OPCML: variants seen among roughly 807,000 people sequenced by gnomAD.
The protein encoded by OPCML is opioid-binding protein/cell adhesion molecule.
OPCML carries 13 observed loss-of-function variants against 37.8 expected under a neutral mutation model. The observed-to-expected ratio is 0.34, with a 90% CI of 0.22 to 0.55. The LOEUF (loss-of-function observed/expected upper bound fraction) is 0.55. Among genes scored for constraint, OPCML ranks in the 20% least tolerant of loss-of-function variants. The pLI is 0.91. For synonymous variants in OPCML, 176 were observed against 168.8 expected, an observed-to-expected ratio of 1.04 and a Z score of -0.33; for missense variants, 341 against 435.6, an observed-to-expected ratio of 0.78 and a Z score of 1.93.
chr11:133,261,012 C>G (rs1277994442), intron 1 of OPCML, among the ~76,000 whole-genome samples: 1 of 152,204 alleles, frequency 6.6e-6, no homozygotes, highest in Non-Finnish European at 1.5e-5. Flanking sequence ...TGGCTACCAG[C>G]TCCATTTGGT....
chr11:132,879,028 T>G (rs1178575346), intron 2 of OPCML, among the ~76,000 whole-genome samples: 1 of 152,198 alleles, frequency 6.6e-6, no homozygotes, highest in Non-Finnish European at 1.5e-5. Flanking sequence ...ACAAGAAGTA[T>G]TAGAACAACA....
chr11:132,947,944 AT>A (rs1442568116), intron 1 of OPCML, among the ~76,000 whole-genome samples: 1 of 152,192 alleles, frequency 6.6e-6, no homozygotes, highest in Non-Finnish European at 1.5e-5. Flanking sequence ...TCCAGTGAGC[AT>A]TTCCTTTGAG....
chr11:133,501,312 G>A (rs375330637), intron 1 of OPCML, among the ~76,000 whole-genome samples: 4 of 152,242 alleles, frequency 2.6e-5, no homozygotes, highest in African/African-American at 9.6e-5. Context: ...AGTGCGGCTA[G>A]TGAAATCCAA....
intron 1 of OPCML, among the ~76,000 whole-genome samples, chr11:133,483,333 GATAGATAATAGAT>G (rs1306648807): frequency 6.6e-6 from 1 of 151,828 alleles, no homozygotes; most frequent in Non-Finnish European, 1.5e-5. Context: ...TAGATAGATA[GATAGATAATAGAT>G]ATAGATAGAT....
At chr11:132,703,966 T>A (rs1228069854) in intron 2 of OPCML, among the ~76,000 whole-genome samples, 2 of 152,188 alleles carry the variant, frequency 1.3e-5, no homozygotes, top group African/African-American at 2.4e-5. Context: ...ACCTGGTGGC[T>A]GAGACCATGG....
chr11:133,449,924 T>C (rs951455608), intron 1 of OPCML, among the ~76,000 whole-genome samples: 3 of 151,744 alleles, frequency 2.0e-5, no homozygotes, highest in African/African-American at 7.3e-5. Flanking sequence ...TGAATTGTTT[T>C]GTAGAAAGCA....
At chr11:132,607,805 G>A (rs2137822398) in intron 3 of OPCML, among the ~76,000 whole-genome samples, 1 of 152,238 alleles carries the variant, frequency 6.6e-6, no homozygotes, top group Non-Finnish European at 1.5e-5. Flanking sequence ...ACTCATATAT[G>A]GGTCTCATGA....
intron 1 of OPCML, among the ~76,000 whole-genome samples, chr11:133,179,361 C>A (rs560491436): frequency 1.3e-5 from 2 of 152,188 alleles, no homozygotes; most frequent in East Asian, 3.9e-4. Flanking sequence ...AGGGGATAGG[C>A]AGGTGCAGTG....
At chr11:132,851,182 C>T (rs960873093) in intron 2 of OPCML, among the ~76,000 whole-genome samples, 2 of 152,172 alleles carry the variant, frequency 1.3e-5, no homozygotes, top group Non-Finnish European at 2.9e-5. Flanking sequence ...TACACAGTGC[C>T]AATATCTTGA....
At chr11:132,731,060 G>A (rs1007726042) in intron 2 of OPCML, among the ~76,000 whole-genome samples, 3 of 152,202 alleles carry the variant, frequency 2.0e-5, no homozygotes, top group African/African-American at 7.2e-5. Flanking sequence ...AGAACTTTCT[G>A]TGATAATGAA....
chr11:132,522,825 G>T (rs670389), intron 4 of OPCML, among the ~76,000 whole-genome samples: 59,634 of 152,018 alleles, frequency 0.39, 14,242 homozygotes, highest in Non-Finnish European at 0.54. Flanking sequence ...CACAAGTGCG[G>T]GTCAGTGCAT....
chr11:133,109,617 T>C (rs1949220556), intron 1 of OPCML, among the ~76,000 whole-genome samples: 2 of 152,090 alleles, frequency 1.3e-5, no homozygotes, highest in South Asian at 4.1e-4. Flanking sequence ...TAAGAAAAGT[T>C]CTCCAAGTTC....
intron 1 of OPCML, among the ~76,000 whole-genome samples, chr11:133,404,054 G>A (rs1945470971): frequency 6.6e-6 from 1 of 152,182 alleles, no homozygotes; most frequent in Non-Finnish European, 1.5e-5. Flanking sequence ...CCCCCTAGAG[G>A]CCCGGAGGGA....
intron 1 of OPCML, among the ~76,000 whole-genome samples, chr11:133,339,600 C>T (rs1339064446): frequency 6.6e-6 from 1 of 152,172 alleles, no homozygotes; most frequent in East Asian, 1.9e-4. Context: ...CTCTGCCTTC[C>T]CCTTCTTTGA....
At chr11:133,062,668 A>T (rs1266486856) in intron 1 of OPCML, among the ~76,000 whole-genome samples, 1 of 152,100 alleles carries the variant, frequency 6.6e-6, no homozygotes, top group Non-Finnish European at 1.5e-5. Flanking sequence ...CGCACCCAAG[A>T]CTGCCTGAGC....
At chr11:133,329,774 A>G (rs1215351902) in intron 1 of OPCML, among the ~76,000 whole-genome samples, 1 of 152,226 alleles carries the variant, frequency 6.6e-6, no homozygotes, top group Middle Eastern at 3.2e-3. Context: ...GGACATAGGC[A>G]TGGGCAAGGA....
At chr11:132,820,092 AAT>A (rs1328958176) in intron 2 of OPCML, among the ~76,000 whole-genome samples, 74 of 45,884 alleles carry the variant, frequency 1.6e-3, no homozygotes, top group East Asian at 7.9e-3. Context: ...TGAATGAATG[AAT>A]GAATGAATGA....
intron 3 of OPCML, among the ~76,000 whole-genome samples, chr11:132,599,597 G>T (rs188744036): frequency 6.6e-6 from 1 of 152,224 alleles, no homozygotes; most frequent in East Asian, 1.9e-4. Flanking sequence ...GGCTTTGGTG[G>T]GCTCCACTTG....
At chr11:133,375,241 C>T (rs73602472) in intron 1 of OPCML, among the ~76,000 whole-genome samples, 1,549 of 152,328 alleles carry the variant, frequency 0.01, 25 homozygotes, top group African/African-American at 0.035. Context: ...ACGCATGTCG[C>T]GTATGTAAGT....
Sources: allele counts gnomAD v4.1 joint callset (sites outside exome capture counted in the v4.1 genomes callset), GRCh38; gene constraint gnomAD v4.1.1; transcripts MANE v1.5; gene names NCBI Gene and HGNC (gene_info 2026-07-23, HGNC 2026-07-21).